SNX6: variants seen among roughly 807,000 people sequenced by gnomAD.
SNX6 encodes the protein sorting nexin 6.
A neutral mutation model predicts 63.0 loss-of-function variants in SNX6; 34 were observed. That is an observed-to-expected ratio of 0.54 (90% CI 0.41 to 0.72). The LOEUF (loss-of-function observed/expected upper bound fraction) is 0.72, where lower values mean the gene tolerates loss of function less well. Among genes scored for constraint, SNX6 ranks in the 30% least tolerant of loss-of-function variants. SNX6 has a pLI of 0.00. For synonymous variants in SNX6, 170 were observed against 164.2 expected (o/e 1.04, Z -0.27); for missense variants, 398 against 471.4 (o/e 0.84, Z 1.44).
At chr14:34,604,070 A>C (rs1231401172) in intron 5 of SNX6, 1 of 1,115,958 alleles carries the variant, frequency 9.0e-7, no homozygotes, top group Non-Finnish European at 1.1e-6. Flanking sequence ...AAAAAAAAAA[A>C]CATTCAAGGA....
At chr14:34,600,127 TTTC>T (rs1158743240) in intron 6 of SNX6, among the ~76,000 whole-genome samples, 1 of 152,104 alleles carries the variant, frequency 6.6e-6, no homozygotes, top group East Asian at 1.9e-4. Context: ...AAAATTTTAG[TTTC>T]TTTTCTCTTT....
intron 13 of SNX6, among the ~76,000 whole-genome samples, chr14:34,563,474 G>T (rs1422974923): frequency 6.6e-6 from 1 of 151,862 alleles, no homozygotes; most frequent in East Asian, 1.9e-4. Flanking sequence ...CAAGAGAATG[G>T]CATGAACCCG....
chr14:34,608,401 G>T (rs1883101678), intron 3 of SNX6, among the ~76,000 whole-genome samples: 1 of 152,124 alleles, frequency 6.6e-6, no homozygotes, highest in Admixed American at 6.6e-5. Flanking sequence ...GGACTCAAGC[G>T]ATCATCCTGC....
chr14:34,620,784 T>C (rs1467137467), intron 2 of SNX6, among the ~76,000 whole-genome samples: 1 of 151,862 alleles, frequency 6.6e-6, no homozygotes, highest in African/African-American at 2.4e-5. Flanking sequence ...CTACTAAAAA[T>C]ACAAAAATTA....
At position 34,625,109 on chromosome 14, in the gene SNX6, G is replaced by A. The variant is rs147822937; in HGVS notation, c.54+4798C>T. ...TTTCTGTATTTTTAGCAGGGACAGG[G>A]TTTCACTATGTTGGTCAGGCTGGTC... On this transcript the variant is annotated intron_variant, in intron 2 of 13. Transcript: ENST00000362031. 3.1e-3 allele frequency among the ~76,000 whole-genome samples: 475 copies of A among 152,020 alleles called. 3 individuals carry two copies. The highest frequency in any genetic ancestry group is 0.011 in the African/African-American group (462 of 41,500).
At chr14:34,604,395 A>T in intron 5 of SNX6, 1 of 775,850 alleles carries the variant, frequency 1.3e-6, no homozygotes, top group East Asian at 9.2e-5. Flanking sequence ...GTCTGCTATC[A>T]GACCGCTGCT....
chr14:34,615,451 G>A (rs570549165), intron 2 of SNX6, among the ~76,000 whole-genome samples: 1 of 152,148 alleles, frequency 6.6e-6, no homozygotes, highest in East Asian at 1.9e-4. Context: ...CGACCTCCTG[G>A]GCTTAAGTGA....
intron 2 of SNX6, among the ~76,000 whole-genome samples, chr14:34,624,942 G>A (rs1418517670): frequency 6.6e-6 from 1 of 152,082 alleles, no homozygotes; most frequent in Non-Finnish European, 1.5e-5. Context: ...TCGAGACAGA[G>A]TCTCGCACTG....
At chr14:34,587,529 T>C (rs1218345057) in intron 8 of SNX6, among the ~76,000 whole-genome samples, 1 of 36,840 alleles carries the variant, frequency 2.7e-5, no homozygotes, top group Non-Finnish European at 4.2e-5. Flanking sequence ...CAAGACTCCA[T>C]CTCAAAAAAA....
At chr14:34,583,433 T>C (rs577506921) in intron 9 of SNX6, among the ~76,000 whole-genome samples, 2 of 117,892 alleles carry the variant, frequency 1.7e-5, no homozygotes, top group South Asian at 5.1e-4. Flanking sequence ...TTATTCATTT[T>C]TTTCTTTTTT....
intron 7 of SNX6, among the ~76,000 whole-genome samples, chr14:34,596,445 C>T (rs1000420184): frequency 1.3e-5 from 2 of 151,152 alleles, no homozygotes; most frequent in African/African-American, 2.4e-5. Flanking sequence ...ATGGTGAAAC[C>T]CCGTTTCTAC....
intron 6 of SNX6, among the ~76,000 whole-genome samples, chr14:34,598,950 T>A (rs1882703073): frequency 6.6e-6 from 1 of 152,150 alleles, no homozygotes; most frequent in Non-Finnish European, 1.5e-5. Context: ...AGAGCCTTCA[T>A]AAATGGGATT....
intron 2 of SNX6, among the ~76,000 whole-genome samples, chr14:34,622,569 CA>C (rs35554563): frequency 0.54 from 54,269 of 99,612 alleles, 12,790 homozygotes; most frequent in East Asian, 0.86. Context: ...GGCAATAGAG[CA>C]AAAAAAAAAA....
rs935915825 is a variant in SNX6 at position 34,629,900 on chromosome 14, A to C, written c.54+7T>G. 1 of 1,556,976 alleles carries C rather than the reference A, an allele frequency of 6.4e-7. No individual in the cohort carries two copies. The highest frequency in any genetic ancestry group is 8.7e-7 in the Non-Finnish European group (1 of 1,150,964). ...GGTCCCGCGAGCGAAAGGAAGGCAG[A>C]ACTTACTCCGCGGTCCTCTTCTGAG... is the stretch of plus-strand genomic sequence containing the variant. On this transcript the variant is annotated splice_region_variant and intron_variant, in intron 2 of 13. Coordinates refer to ENST00000362031, the MANE Select transcript of SNX6 (RefSeq NM_152233.4).
At chr14:34,604,416 A>AC in intron 5 of SNX6, 1 of 547,118 alleles carries the variant, frequency 1.8e-6, no homozygotes, top group Admixed American at 5.2e-5. Context: ...TGCAACTAAG[A>AC]CCTGCTTTGC....
At chr14:34,584,645 C>T (rs932500056) in intron 9 of SNX6, among the ~76,000 whole-genome samples, 1 of 151,876 alleles carries the variant, frequency 6.6e-6, no homozygotes, top group Non-Finnish European at 1.5e-5. Context: ...TATTTATAAG[C>T]TTTATCAAAA....
chr14:34,578,001 C>T lies in SNX6; in HGVS notation c.835-2159G>A, dbSNP rs571021252. ...GGTGGATCATTTGAGGTCAGGAGTT[C>T]GAGACCAGCCTGGCCAACATGGTGA... is the stretch of plus-strand genomic sequence containing the variant. On this transcript the variant is annotated intron_variant, in intron 10 of 13. Coordinates refer to ENST00000362031, the MANE Select transcript of SNX6 (RefSeq NM_152233.4). Among the ~76,000 whole-genome samples the T allele has an allele frequency of 2.0e-5, 3 of 152,148 alleles. No homozygotes were observed. The South Asian group carries it at 6.2e-4, about 32-fold the overall frequency.
rs71121210 is a variant in SNX6 at position 34,578,937 on chromosome 14, C to CAAAAAAAAAAAAAAAAA, written c.834+2607_834+2623dup. The stretch of plus-strand genomic sequence containing the variant: ...CTGGCGACAGAGCGAGACTTCATCT[C>CAAAAAAAAAAAAAAAAA]AAAAAAAAAAAAAAAAAAAAAAAAA... On this transcript the variant is annotated intron_variant, in intron 10 of 13. Transcript: ENST00000362031. Among the ~76,000 whole-genome samples, 16 of 22,544 alleles carry CAAAAAAAAAAAAAAAAA rather than the reference C, an allele frequency of 7.1e-4. 1 individual carries two copies. The highest frequency in any genetic ancestry group is 1.2e-3 in the Non-Finnish European group (13 of 10,788). 14.8% of individuals were successfully genotyped at this position (22,544 alleles called of 152,430 possible). A position where few individuals can be genotyped will look rare whatever the true frequency, so the allele number is the denominator to read the frequency against.
chr14:34,624,674 T>C (rs1339592677), intron 2 of SNX6, among the ~76,000 whole-genome samples: 1 of 151,322 alleles, frequency 6.6e-6, no homozygotes. Flanking sequence ...CGTGCACCTG[T>C]AGTCCCAGCT....
Sources: allele counts gnomAD v4.1 joint callset (sites outside exome capture counted in the v4.1 genomes callset), GRCh38; gene constraint gnomAD v4.1.1; transcripts MANE v1.5; gene names NCBI Gene and HGNC (gene_info 2026-07-23, HGNC 2026-07-21).